The following FAF1 variants were observed in gnomAD, a reference collection of about 807,000 sequenced individuals.
FAF1 encodes the protein FAS-associated factor 1.
A neutral mutation model predicts 92.5 loss-of-function variants in FAF1; 25 were observed. The observed-to-expected ratio is 0.27, with a 90% CI of 0.20 to 0.38. FAF1 has a LOEUF of 0.38. Among genes scored for constraint, FAF1 ranks in the 10% least tolerant of loss-of-function variants. The pLI, the probability that FAF1 is intolerant of heterozygous loss-of-function variation, is 1.00. For missense variants in FAF1, 636 were observed against 793.3 expected (o/e 0.80, Z 2.38); for synonymous variants, 234 against 273.2 (o/e 0.86, Z 1.42).
chr1:50,644,456 A>G (rs543426764), intron 8 of FAF1, among the ~76,000 whole-genome samples: 1 of 152,026 alleles, frequency 6.6e-6, no homozygotes, highest in South Asian at 2.1e-4. Flanking sequence ...ATGCATGCAC[A>G]GAGACTGGTA....
chr1:50,647,949 A>G (rs1481245267), intron 8 of FAF1, among the ~76,000 whole-genome samples: 5 of 152,150 alleles, frequency 3.3e-5, no homozygotes, highest in African/African-American at 1.2e-4. Context: ...AGAAGGGCAT[A>G]GGCAGGGTTT....
chr1:50,562,682 A>G (rs1649979914), intron 13 of FAF1, among the ~76,000 whole-genome samples: 1 of 152,190 alleles, frequency 6.6e-6, no homozygotes, highest in South Asian at 2.1e-4. Flanking sequence ...ATTATATATT[A>G]GCTCTTATGT....
At chr1:50,883,090 C>T (rs1468536263) in intron 1 of FAF1, among the ~76,000 whole-genome samples, 5 of 151,856 alleles carry the variant, frequency 3.3e-5, no homozygotes, top group Non-Finnish European at 5.9e-5. Flanking sequence ...ACCAGGAGGT[C>T]ACTGTTTGCC....
At chr1:50,716,025 G>C (rs185821147) in intron 6 of FAF1, among the ~76,000 whole-genome samples, 488 of 152,248 alleles carry the variant, frequency 3.2e-3, no homozygotes, top group Non-Finnish European at 3.5e-3. Context: ...CTCATTCAGA[G>C]AGTACTTCTG....
intron 8 of FAF1, among the ~76,000 whole-genome samples, chr1:50,641,837 T>C (rs1654343251): frequency 6.6e-6 from 1 of 152,236 alleles, no homozygotes; most frequent in African/African-American, 2.4e-5. Context: ...CATACACATT[T>C]AGGATCATTC....
At chr1:50,864,251 G>T (rs1372944849) in intron 1 of FAF1, among the ~76,000 whole-genome samples, 7 of 149,136 alleles carry the variant, frequency 4.7e-5, no homozygotes, top group Non-Finnish European at 8.9e-5. Context: ...GCTAGCTTTT[G>T]AATGTGTTTG....
At chr1:50,631,502 G>A (rs1463316057) in intron 8 of FAF1, among the ~76,000 whole-genome samples, 1 of 152,024 alleles carries the variant, frequency 6.6e-6, no homozygotes, top group Non-Finnish European at 1.5e-5. Context: ...ACTTAATAAT[G>A]GCCCCAAAGC....
intron 2 of FAF1, among the ~76,000 whole-genome samples, chr1:50,803,316 C>A (rs1662070191): frequency 6.6e-6 from 1 of 152,106 alleles, no homozygotes; most frequent in Non-Finnish European, 1.5e-5. Context: ...AACATTTTCA[C>A]TGAGGAATGC....
intron 1 of FAF1, among the ~76,000 whole-genome samples, chr1:50,894,578 G>C (rs1644744518): frequency 6.6e-6 from 1 of 151,512 alleles, no homozygotes; most frequent in Non-Finnish European, 1.5e-5. Flanking sequence ...ATTCTCATTA[G>C]CACATAAATC....
chr1:50,500,963 A>AT (rs2149015850), intron 15 of FAF1, among the ~76,000 whole-genome samples: 1 of 152,326 alleles, frequency 6.6e-6, no homozygotes, highest in East Asian at 1.9e-4. Context: ...AGTAAGAAAT[A>AT]TTTTTGAATA....
chr1:50,790,528 T>C (rs1320797935), intron 3 of FAF1, among the ~76,000 whole-genome samples: 7 of 152,082 alleles, frequency 4.6e-5, no homozygotes, highest in Non-Finnish European at 1.0e-4. Context: ...AACTAACGAG[T>C]AGAGGAATAA....
chr1:50,945,300 A>T (rs563457626), intron 1 of FAF1, among the ~76,000 whole-genome samples: 2 of 151,444 alleles, frequency 1.3e-5, no homozygotes, highest in South Asian at 2.1e-4. Context: ...TCAAAACCAT[A>T]AAAAAAAATG....
intron 3 of FAF1, among the ~76,000 whole-genome samples, chr1:50,792,059 A>T (rs1338721614): frequency 2.6e-5 from 4 of 152,206 alleles, no homozygotes; most frequent in African/African-American, 7.2e-5. Flanking sequence ...TGATATGCCT[A>T]TTGAAACAAG....
At chr1:50,905,508 A>G (rs1404368279) in intron 1 of FAF1, among the ~76,000 whole-genome samples, 2 of 152,204 alleles carry the variant, frequency 1.3e-5, no homozygotes, top group East Asian at 3.8e-4. Context: ...CCAACAGTGT[A>G]AAAGTATTCC....
At chr1:50,881,787 T>C (rs1258849201) in intron 1 of FAF1, among the ~76,000 whole-genome samples, 2 of 152,230 alleles carry the variant, frequency 1.3e-5, no homozygotes, top group Admixed American at 1.3e-4. Flanking sequence ...CAGAGGATTA[T>C]ATTAAATGCC....
intron 17 of FAF1, among the ~76,000 whole-genome samples, chr1:50,488,400 C>T (rs1309211401): frequency 6.6e-6 from 1 of 152,114 alleles, no homozygotes; most frequent in African/African-American, 2.4e-5. Context: ...GCTTTAGATC[C>T]AGAACACTGA....
At chr1:50,809,364 A>T (rs1178449991) in intron 2 of FAF1, among the ~76,000 whole-genome samples, 1 of 152,162 alleles carries the variant, frequency 6.6e-6, no homozygotes, top group Non-Finnish European at 1.5e-5. Flanking sequence ...CATAATAACT[A>T]GCTAGACTAA....
chr1:50,739,033 A>G (rs1659255824), intron 5 of FAF1, 79 bp from the exon 6 acceptor site: 2 of 930,922 alleles, frequency 2.1e-6, no homozygotes, highest in East Asian at 2.7e-5. Flanking sequence ...ATTCTTGAAA[A>G]ATTGTTAATT....
chr1:50,953,576 A>G (rs1456371059), intron 1 of FAF1, among the ~76,000 whole-genome samples: 1 of 152,004 alleles, frequency 6.6e-6, no homozygotes, highest in Admixed American at 6.6e-5. Flanking sequence ...CATTTCTACT[A>G]AAAGTACAAA....
Sources: gnomAD v4.1 joint callset for allele counts (sites outside exome capture counted in the v4.1 genomes callset) on GRCh38, gnomAD v4.1.1 for gene constraint, MANE v1.5 for transcripts, NCBI Gene and HGNC (gene_info 2026-07-23, HGNC 2026-07-21) for gene names.